DLG1: variants seen among roughly 807,000 people sequenced by gnomAD.
DLG1 encodes the protein discs large MAGUK scaffold protein 1, also known as disks large homolog 1.
A neutral mutation model predicts 123.4 loss-of-function variants in DLG1; 42 were observed. That is an observed-to-expected ratio of 0.34 (90% CI 0.27 to 0.44). The LOEUF is 0.44. DLG1 is among the 20% of genes least tolerant of loss of function. The pLI, the probability that DLG1 is intolerant of heterozygous loss-of-function variation, is 1.00. For synonymous variants in DLG1, 317 were observed against 356.2 expected (o/e 0.89, Z 1.24); for missense variants, 942 against 1,082.6 (o/e 0.87, Z 1.82).
Position 197,183,787 on chromosome 3 carries a change from T to C in DLG1, c.483+10638A>G. On this transcript the variant is annotated intron_variant, in intron 5 of 24. Coordinates refer to ENST00000667157, the MANE Select transcript of DLG1 (RefSeq NM_001366207.1). ...CTGCCGCGAGAGTATAGAAGTGTGT[T>C]GTTTCCGAAAATGTAATTCATCTCT... is the stretch of plus-strand genomic sequence containing the variant. 1.9e-6 allele frequency: 3 copies of C among 1,550,288 alleles called. 1 individual carries two copies. The highest frequency in any genetic ancestry group is 1.2e-5 in the South Asian group (1 of 84,046).
chr3:197,149,138 CATT>C (rs943305247), intron 6 of DLG1, among the ~76,000 whole-genome samples: 79 of 152,144 alleles, frequency 5.2e-4, no homozygotes, highest in African/African-American at 1.7e-3. Flanking sequence ...GTGCCATCAT[CATT>C]ACTTTCTAAT....
At chr3:197,268,587 A>G (rs1208211959) in intron 4 of DLG1, among the ~76,000 whole-genome samples, 2 of 145,996 alleles carry the variant, frequency 1.4e-5, no homozygotes, top group Admixed American at 1.4e-4. Context: ...ACCACGCCTA[A>G]TTTTTTTTTT....
chr3:197,180,974 G>C (rs1183744485), intron 5 of DLG1, among the ~76,000 whole-genome samples: 1 of 152,140 alleles, frequency 6.6e-6, no homozygotes, highest in African/African-American at 2.4e-5. Flanking sequence ...TAGGTGTCTT[G>C]CAAAAGTTTA....
intron 16 of DLG1, 67 bp from the exon 17 acceptor site, chr3:197,081,184 C>A (rs945299860): frequency 2.4e-5 from 35 of 1,449,240 alleles, no homozygotes; most frequent in Non-Finnish European, 3.3e-5. Flanking sequence ...TAGAAATAAC[C>A]AGAATTGTTA....
chr3:197,162,928 G>A (rs1230021545), intron 5 of DLG1, among the ~76,000 whole-genome samples: 2 of 152,140 alleles, frequency 1.3e-5, no homozygotes, highest in Non-Finnish European at 2.9e-5. Context: ...TACACAATGG[G>A]AGAAGGTATT....
chr3:197,122,896 GAACAGT>G, intron 11 of DLG1, among the ~76,000 whole-genome samples: 1 of 151,950 alleles, frequency 6.6e-6, no homozygotes, highest in East Asian at 1.9e-4. Flanking sequence ...ACATAATCTT[GAACAGT>G]AACAAAATTA....
chr3:197,097,606 A>AGG (rs1203512528), intron 14 of DLG1, among the ~76,000 whole-genome samples: 1 of 133,548 alleles, frequency 7.5e-6, no homozygotes, highest in Non-Finnish European at 1.5e-5. Flanking sequence ...TTTGAGAGAG[A>AGG]GTCTCGCTCT....
At chr3:197,254,179 C>T (rs1484877213) in intron 4 of DLG1, among the ~76,000 whole-genome samples, 1 of 152,192 alleles carries the variant, frequency 6.6e-6, no homozygotes, top group Non-Finnish European at 1.5e-5. Context: ...TTTGTCCCCA[C>T]ACATTAGATC....
chr3:197,204,581 C>T (rs1482123840), intron 4 of DLG1, among the ~76,000 whole-genome samples: 1 of 152,174 alleles, frequency 6.6e-6, no homozygotes, highest in Non-Finnish European at 1.5e-5. Flanking sequence ...TTTCTCCCAA[C>T]TAGTCAGCTC....
At chr3:197,118,854 A>G (rs1156943826) in intron 12 of DLG1, among the ~76,000 whole-genome samples, 1 of 152,102 alleles carries the variant, frequency 6.6e-6, no homozygotes, top group African/African-American at 2.4e-5. Flanking sequence ...AAACCCACCC[A>G]CCAGCCAGGC....
intron 4 of DLG1, among the ~76,000 whole-genome samples, chr3:197,215,253 TCA>T (rs1481803952): frequency 1.3e-5 from 2 of 152,090 alleles, no homozygotes; most frequent in African/African-American, 4.8e-5. Context: ...AGAAACAGAC[TCA>T]CATGTGGGAA....
chr3:197,229,392 T>C (rs1256759488), intron 4 of DLG1, among the ~76,000 whole-genome samples: 1 of 148,700 alleles, frequency 6.7e-6, no homozygotes, highest in Non-Finnish European at 1.5e-5. Flanking sequence ...CTTGAGCCAC[T>C]GCTTGAGCTA....
chr3:197,142,587 C>A, intron 7 of DLG1, 131 bp downstream of exon 7: 1 of 566,618 alleles, frequency 1.8e-6, no homozygotes, highest in Non-Finnish European at 2.8e-6. Flanking sequence ...ATACCTTGGC[C>A]AATTTTATGA....
At chr3:197,193,824 CTTTT>C (rs541980236) in intron 5 of DLG1, among the ~76,000 whole-genome samples, 2 of 143,724 alleles carry the variant, frequency 1.4e-5, no homozygotes, top group Admixed American at 7.0e-5. Context: ...TGTTAATGCT[CTTTT>C]TTTTTTTTTT....
At chr3:197,050,223 T>C (rs1032926765) in intron 24 of DLG1, among the ~76,000 whole-genome samples, 4 of 151,814 alleles carry the variant, frequency 2.6e-5, no homozygotes, top group East Asian at 1.9e-4. Flanking sequence ...AAAAATTAGC[T>C]GGGCGTGGTG....
At chr3:197,063,404 T>C (rs1737214722) in intron 22 of DLG1, among the ~76,000 whole-genome samples, 1 of 152,184 alleles carries the variant, frequency 6.6e-6, no homozygotes, top group Admixed American at 6.5e-5. Context: ...ATTCCCTCTC[T>C]ACATCACTCC....
chr3:197,134,605 G>A (rs1580035819), intron 10 of DLG1, among the ~76,000 whole-genome samples: 1 of 152,184 alleles, frequency 6.6e-6, no homozygotes, highest in Middle Eastern at 3.4e-3. Flanking sequence ...CTAGGCCTTG[G>A]CTGCTTGCTC....
At chr3:197,057,822 CTTCT>C (rs1468047707) in intron 23 of DLG1, among the ~76,000 whole-genome samples, 4 of 151,826 alleles carry the variant, frequency 2.6e-5, no homozygotes, top group Admixed American at 6.6e-5. Flanking sequence ...ATTGATATGC[CTTCT>C]TTCTTTTCTT....
chr3:197,144,971 C>T (rs546995794), intron 6 of DLG1, among the ~76,000 whole-genome samples: 1 of 152,152 alleles, frequency 6.6e-6, no homozygotes, highest in South Asian at 2.1e-4. Flanking sequence ...CACATGCCAC[C>T]ATGCCTGGCT....
Sources: allele counts gnomAD v4.1 joint callset (sites outside exome capture counted in the v4.1 genomes callset), GRCh38; gene constraint gnomAD v4.1.1; transcripts MANE v1.5; gene names NCBI Gene and HGNC (gene_info 2026-07-23, HGNC 2026-07-21).